The following PLCXD3 variants were observed in gnomAD, a reference collection of about 807,000 sequenced individuals.
The protein encoded by PLCXD3 is PI-PLC X domain-containing protein 3.
Under a neutral mutation model 25.5 loss-of-function variants are expected in PLCXD3, and 19 were observed. That is an observed-to-expected ratio of 0.75 (90% CI 0.52 to 1.09). PLCXD3 has a LOEUF of 1.09. Ranked by LOEUF, PLCXD3 falls within the 50% of genes least tolerant of loss-of-function variation. The pLI is 0.00. For synonymous variants in PLCXD3, 174 were observed against 137.6 expected (o/e 1.26, Z -1.85); for missense variants, 411 against 388.1 (o/e 1.06, Z -0.50).
In PLCXD3 at chr5:41,374,259, G is replaced by C. The variant is rs1745212899; in HGVS notation, c.812+7567C>G. ...CTTTGAGCCACAGACTATTAAATCAGAATCTCTGAAAGTGGCATCCAGGAA... is the reference window on the plus strand; with the variant it reads ...CTTTGAGCCACAGACTATTAAATCACAATCTCTGAAAGTGGCATCCAGGAA... On this transcript the variant is annotated intron_variant, in intron 2 of 2. Coordinates refer to ENST00000377801, the MANE Select transcript of PLCXD3 (RefSeq NM_001005473.3). Among the ~76,000 whole-genome samples the C allele has an allele frequency of 2.0e-5, 3 of 152,042 alleles. No homozygotes were observed. In the South Asian group the frequency reaches 6.2e-4, roughly 32 times the overall value.
intron 1 of PLCXD3, among the ~76,000 whole-genome samples, chr5:41,478,594 C>T (rs1301531300): frequency 1.1e-4 from 17 of 152,126 alleles, no homozygotes; most frequent in Non-Finnish European, 2.4e-4. Context: ...TTCTCAAAGC[C>T]TCACTCAGAG....
At chr5:41,346,036 C>T (rs539650568) in intron 2 of PLCXD3, among the ~76,000 whole-genome samples, 430 of 152,200 alleles carry the variant, frequency 2.8e-3, no homozygotes, top group African/African-American at 9.5e-3. Flanking sequence ...CCCACCACCA[C>T]GCCTGGCTAA....
At chr5:41,467,066 C>T (rs1246949431) in intron 1 of PLCXD3, among the ~76,000 whole-genome samples, 1 of 152,038 alleles carries the variant, frequency 6.6e-6, no homozygotes, top group East Asian at 1.9e-4. Flanking sequence ...TCTTTGAATA[C>T]ACATATAAAA....
intron 2 of PLCXD3, among the ~76,000 whole-genome samples, chr5:41,360,915 C>T (rs931756946): frequency 2.6e-5 from 4 of 152,150 alleles, no homozygotes; most frequent in Non-Finnish European, 4.4e-5. Flanking sequence ...CTTGGGGATA[C>T]CTGGTTAAGT....
chr5:41,463,967 A>G (rs568207133), intron 1 of PLCXD3, among the ~76,000 whole-genome samples: 14 of 152,154 alleles, frequency 9.2e-5, no homozygotes, highest in African/African-American at 3.4e-4. Context: ...TAAATATTAT[A>G]TTAACAATTA....
At chr5:41,379,808 G>A (rs1363997129) in intron 2 of PLCXD3, among the ~76,000 whole-genome samples, 7 of 152,004 alleles carry the variant, frequency 4.6e-5, no homozygotes, top group East Asian at 1.9e-4. Context: ...GACAGACTGC[G>A]TGGGATAATT....
intron 2 of PLCXD3, among the ~76,000 whole-genome samples, chr5:41,336,256 G>A (rs1266668128): frequency 1.3e-5 from 2 of 152,160 alleles, no homozygotes; most frequent in African/African-American, 4.8e-5. Context: ...TAGAGGATAA[G>A]AGTGAAGACT....
chr5:41,357,785 A>T (rs370064708), intron 2 of PLCXD3, among the ~76,000 whole-genome samples: 1 of 152,244 alleles, frequency 6.6e-6, no homozygotes, highest in South Asian at 2.1e-4. Flanking sequence ...ATAAAAAGCT[A>T]TAATATTAGT....
intron 1 of PLCXD3, among the ~76,000 whole-genome samples, chr5:41,509,387 T>C (rs1362990623): frequency 6.6e-6 from 1 of 152,114 alleles, no homozygotes; most frequent in African/African-American, 2.4e-5. Flanking sequence ...CAATAAAGTA[T>C]GGCCGTGTCC....
intron 1 of PLCXD3, among the ~76,000 whole-genome samples, chr5:41,434,540 G>A (rs1455299655): frequency 1.3e-5 from 2 of 152,062 alleles, no homozygotes; most frequent in African/African-American, 4.8e-5. Flanking sequence ...TTTTTTGTAG[G>A]GCACAATTGG....
chr5:41,382,497 G>C lies in PLCXD3; in HGVS notation c.141C>G (p.Ala47=). 6.2e-7 allele frequency: 1 copy of C among 1,606,300 alleles called. No individual in the cohort carries two copies. Among genetic ancestry groups the C allele is most frequent in the Non-Finnish European group, 8.5e-7 (1 of 1,178,776 alleles). The change falls in exon 2 of 3, where the codon GCC becomes GCG. Residue 47 remains alanine (A), a synonymous_variant. Transcript: ENST00000377801. ...CTGGCTGCTCAGGACCTACTGGAGA[G>C]GCTTCATCAATGTAGAAGCTGAAGG... is the stretch of plus-strand genomic sequence containing the variant. ...HDSFSFYIDE[A]SPVGPEQPET...
At chr5:41,336,107 A>G (rs979138411) in intron 2 of PLCXD3, among the ~76,000 whole-genome samples, 2 of 152,162 alleles carry the variant, frequency 1.3e-5, no homozygotes, top group African/African-American at 4.8e-5. Context: ...AGTTATAATA[A>G]CATGTGGCCT....
intron 1 of PLCXD3, among the ~76,000 whole-genome samples, chr5:41,402,960 T>A (rs1174484608): frequency 6.6e-6 from 1 of 152,154 alleles, no homozygotes; most frequent in Non-Finnish European, 1.5e-5. Context: ...TCTGACAATG[T>A]CTGCTTTTGA....
chr5:41,394,512 G>A (rs924901666), intron 1 of PLCXD3, among the ~76,000 whole-genome samples: 9 of 152,062 alleles, frequency 5.9e-5, no homozygotes, highest in Admixed American at 1.3e-4. Flanking sequence ...GCAGTCAACA[G>A]ACAGATTGGT....
At position 41,308,002 on chromosome 5, in the gene PLCXD3, G is replaced by A. The variant is rs1320708893; in HGVS notation, c.*5615C>T. On this transcript the variant is annotated 3_prime_UTR_variant, in exon 3 of 3. Transcript: ENST00000377801. ...GGGAAGTGTTGAACATGGTGGCATT[G>A]ATCCTATGAAGATATTTACTTGATT... The A allele has an allele frequency of 6.6e-6, 1 of 152,120 alleles. No homozygotes were observed. Among genetic ancestry groups the A allele is most frequent in the Non-Finnish European group, 1.5e-5 (1 of 68,028 alleles). 9.4% of individuals were successfully genotyped at this position (152,120 alleles called of 1,614,324 possible).
chr5:41,468,009 C>CTTTTTTTTTTTTTTTTTTTTTT (rs145732089), intron 1 of PLCXD3, among the ~76,000 whole-genome samples: 1 of 52,404 alleles, frequency 1.9e-5, no homozygotes, highest in Non-Finnish European at 3.2e-5. Context: ...CAGCTTTATT[C>CTTTTTTTTTTTTTTTTTTTTTT]TTTTTTTTTT....
intron 1 of PLCXD3, among the ~76,000 whole-genome samples, chr5:41,419,530 T>C (rs1191136738): frequency 3.3e-5 from 5 of 152,216 alleles, no homozygotes; most frequent in Non-Finnish European, 5.9e-5. Flanking sequence ...ATAGTATTTC[T>C]GCTCCATGTT....
At chr5:41,332,286 C>T (rs1235396252) in intron 2 of PLCXD3, among the ~76,000 whole-genome samples, 1 of 152,062 alleles carries the variant, frequency 6.6e-6, no homozygotes, top group Non-Finnish European at 1.5e-5. Flanking sequence ...GGGCAAAGGA[C>T]ATGAACAGAT....
intron 1 of PLCXD3, among the ~76,000 whole-genome samples, chr5:41,484,517 C>T (rs56379830): frequency 6.6e-6 from 1 of 152,092 alleles, no homozygotes; most frequent in African/African-American, 2.4e-5. Flanking sequence ...TGCCCTATTA[C>T]ATTGCTTAAA....
Sources: gnomAD v4.1 joint callset for allele counts (sites outside exome capture counted in the v4.1 genomes callset) on GRCh38, gnomAD v4.1.1 for gene constraint, MANE v1.5 for transcripts, NCBI Gene and HGNC (gene_info 2026-07-23, HGNC 2026-07-21) for gene names.